The following LNX1 variants were observed in gnomAD, a reference collection of about 807,000 sequenced individuals.
The protein encoded by LNX1 is ligand of numb-protein X 1.
In LNX1, 54 loss-of-function variants were observed where a neutral mutation model predicts 68.4. That is an observed-to-expected ratio of 0.79 (90% CI 0.63 to 0.99). The LOEUF is 0.99. Ranked by LOEUF, LNX1 falls within the 50% of genes least tolerant of loss-of-function variation. LNX1 has a pLI of 0.00. For synonymous variants in LNX1, 336 were observed against 350.0 expected (o/e 0.96, Z 0.45); for missense variants, 906 against 926.4 (o/e 0.98, Z 0.29).
chr4:53,481,634 A>C (rs1723917380), intron 7 of LNX1, 86 bp downstream of exon 7: 2 of 1,427,624 alleles, frequency 1.4e-6, no homozygotes, highest in Non-Finnish European at 1.9e-6. Context: ...AAAAGTCCAG[A>C]GATGACACTT....
rs189870639 is a variant in LNX1 at position 53,551,824 on chromosome 4, G to A, written c.380+21799C>T. ...AAAACTTGCCTTGGCCTCTCACCCTGCCTTATGACCCTTGGTTAAAAATTC... is the reference window on the plus strand; with the variant it reads ...AAAACTTGCCTTGGCCTCTCACCCTACCTTATGACCCTTGGTTAAAAATTC... On this transcript the variant is annotated intron_variant, in intron 2 of 10. Coordinates refer to ENST00000263925, the MANE Select transcript of LNX1 (RefSeq NM_001126328.3). Among the ~76,000 whole-genome samples the A allele has an allele frequency of 5.3e-5, 8 of 152,238 alleles. No individual in the cohort carries two copies. In the East Asian group the frequency reaches 5.8e-4, roughly 11 times the overall value.
chr4:53,565,173 G>A (rs1577721854), intron 2 of LNX1, among the ~76,000 whole-genome samples: 1 of 152,156 alleles, frequency 6.6e-6, no homozygotes, highest in Non-Finnish European at 1.5e-5. Context: ...GCCTGCCTCT[G>A]TAGGCTCCAC....
At chr4:53,624,391 C>T (rs1009665186) in intron 1 of LNX1, among the ~76,000 whole-genome samples, 2 of 152,100 alleles carry the variant, frequency 1.3e-5, no homozygotes, top group Non-Finnish European at 2.9e-5. Context: ...TAAGGGGAAA[C>T]CCCTTTCACT....
At chr4:53,535,458 T>C (rs1264261908) in intron 2 of LNX1, among the ~76,000 whole-genome samples, 1 of 152,220 alleles carries the variant, frequency 6.6e-6, no homozygotes, top group Non-Finnish European at 1.5e-5. Context: ...CAAGGGTACA[T>C]GACAAATCAA....
At chr4:53,492,257 C>T (rs1724733663) in intron 6 of LNX1, among the ~76,000 whole-genome samples, 1 of 152,044 alleles carries the variant, frequency 6.6e-6, no homozygotes, top group South Asian at 2.1e-4. Flanking sequence ...TGTGGGAATG[C>T]AGCAAATGGA....
intron 2 of LNX1, among the ~76,000 whole-genome samples, chr4:53,522,782 G>A (rs1727324111): frequency 6.6e-6 from 1 of 152,118 alleles, no homozygotes; most frequent in Non-Finnish European, 1.5e-5. Flanking sequence ...GGGCAACAGA[G>A]CAGGGCCCTG....
At chr4:53,509,495 TCTGAAATTTACATAG>T (rs2109525661) in intron 2 of LNX1, among the ~76,000 whole-genome samples, 1 of 152,332 alleles carries the variant, frequency 6.6e-6, no homozygotes, top group South Asian at 2.1e-4. Context: ...AAATCCTTGC[TCTGAAATTTACATAG>T]CTGGGTGATC....
intron 2 of LNX1, among the ~76,000 whole-genome samples, chr4:53,511,697 A>G (rs1009356444): frequency 2.0e-5 from 3 of 152,324 alleles, no homozygotes; most frequent in African/African-American, 7.2e-5. Flanking sequence ...GGATAAGGAA[A>G]GAAAATGAAT....
At chr4:53,644,944 G>C (rs1300126850) in intron 1 of LNX1, among the ~76,000 whole-genome samples, 1 of 152,202 alleles carries the variant, frequency 6.6e-6, no homozygotes, top group Non-Finnish European at 1.5e-5. Context: ...TTTCAACAGA[G>C]TGAGGGAGAA....
At chr4:53,569,341 C>A (rs1257578538) in intron 2 of LNX1, among the ~76,000 whole-genome samples, 10 of 134,020 alleles carry the variant, frequency 7.5e-5, no homozygotes, top group Non-Finnish European at 9.7e-5. Flanking sequence ...CAGAACAGAG[C>A]CCTCAGAAAT....
At chr4:53,565,928 C>T (rs1025135644) in intron 2 of LNX1, among the ~76,000 whole-genome samples, 1,855 of 151,884 alleles carry the variant, frequency 0.012, 30 homozygotes, top group African/African-American at 0.041. Context: ...TGAAATGAAG[C>T]GAGAAGGAAA....
At chr4:53,645,573 T>C (rs1734853559) in intron 1 of LNX1, among the ~76,000 whole-genome samples, 1 of 152,342 alleles carries the variant, frequency 6.6e-6, no homozygotes, top group South Asian at 2.1e-4. Flanking sequence ...TTATAATCTT[T>C]ACTTTCTCTC....
At chr4:53,520,114 C>G (rs1366232294) in intron 2 of LNX1, among the ~76,000 whole-genome samples, 1 of 152,154 alleles carries the variant, frequency 6.6e-6, no homozygotes, top group Non-Finnish European at 1.5e-5. Flanking sequence ...TTTCAGGTAC[C>G]TCCCAGTGTG....
At chr4:53,571,102 C>T (rs1236163042) in intron 2 of LNX1, among the ~76,000 whole-genome samples, 1 of 151,854 alleles carries the variant, frequency 6.6e-6, no homozygotes, top group Non-Finnish European at 1.5e-5. Flanking sequence ...TACTGGCAGC[C>T]TCTGCCTCCT....
chr4:53,549,184 A>G (rs933306240), intron 2 of LNX1, among the ~76,000 whole-genome samples: 3 of 152,206 alleles, frequency 2.0e-5, no homozygotes, highest in Admixed American at 6.5e-5. Context: ...AAAAAAAATA[A>G]GTTCTCCCCT....
chr4:53,569,620 A>G (rs36076634), intron 2 of LNX1, among the ~76,000 whole-genome samples: 84,385 of 149,872 alleles, frequency 0.56, 24,267 homozygotes, highest in Non-Finnish European at 0.63. Context: ...CTTCATGTTT[A>G]AAACACCAAA....
intron 2 of LNX1, among the ~76,000 whole-genome samples, chr4:53,542,889 G>C (rs1181810181): frequency 6.6e-6 from 1 of 152,190 alleles, no homozygotes; most frequent in Non-Finnish European, 1.5e-5. Flanking sequence ...AGTGGAAGTA[G>C]AGGGAACTGA....
intron 4 of LNX1, chr4:53,502,123 T>C (rs1297925194): frequency 1.3e-5 from 2 of 152,200 alleles, no homozygotes; most frequent in African/African-American, 4.8e-5. Flanking sequence ...CTAAAGGATA[T>C]AATAATAATT....
At chr4:53,595,734 G>A (rs1732722792), upstream of LNX1, among the ~76,000 whole-genome samples, 1 of 152,108 alleles carries the variant, frequency 6.6e-6, no homozygotes, top group Admixed American at 6.6e-5. Flanking sequence ...GGGGAAGGAG[G>A]TCTGTCTTCA....
Sources: allele counts gnomAD v4.1 joint callset (sites outside exome capture counted in the v4.1 genomes callset), GRCh38; gene constraint gnomAD v4.1.1; transcripts MANE v1.5; gene names NCBI Gene and HGNC (gene_info 2026-07-23, HGNC 2026-07-21).